The following EIF3H variants were observed in gnomAD, a reference collection of about 807,000 sequenced individuals.
EIF3H encodes eIF-3-gamma.
A neutral mutation model predicts 44.2 loss-of-function variants in EIF3H; 26 were observed. The observed-to-expected ratio is 0.59, with a 90% CI of 0.43 to 0.82. The LOEUF is 0.82. Among genes scored for constraint, EIF3H ranks in the 40% least tolerant of loss-of-function variants. EIF3H has a pLI of 0.00. For synonymous variants in EIF3H, 166 were observed against 151.9 expected (o/e 1.09, Z -0.68); for missense variants, 359 against 432.8 (o/e 0.83, Z 1.51).
At chr8:116,718,751 T>C (rs776274976) in intron 2 of EIF3H, among the ~76,000 whole-genome samples, 2 of 151,428 alleles carry the variant, frequency 1.3e-5, no homozygotes, top group Non-Finnish European at 1.5e-5. Flanking sequence ...TGGTTAAGGG[T>C]TGAAAGACTA....
chr8:116,760,802 A>C (rs1292944118), upstream of EIF3H, among the ~76,000 whole-genome samples: 2 of 152,222 alleles, frequency 1.3e-5, no homozygotes, highest in Non-Finnish European at 2.9e-5. Flanking sequence ...CTGCTGCTTA[A>C]AAATATATAC....
At chr8:116,687,951 T>A (rs1814104649) in intron 2 of EIF3H, among the ~76,000 whole-genome samples, 1 of 152,110 alleles carries the variant, frequency 6.6e-6, no homozygotes. Context: ...GTCCCGGCCT[T>A]CTAAATATTG....
At chr8:116,691,842 A>C (rs1239773666) in intron 2 of EIF3H, among the ~76,000 whole-genome samples, 1 of 148,128 alleles carries the variant, frequency 6.8e-6, no homozygotes, top group Non-Finnish European at 1.5e-5. Flanking sequence ...ACTGCACTGC[A>C]GCCTGGGTGA....
chr8:116,670,411 A>G (rs1447486098), intron 2 of EIF3H, among the ~76,000 whole-genome samples: 1 of 152,144 alleles, frequency 6.6e-6, no homozygotes, highest in Non-Finnish European at 1.5e-5. Flanking sequence ...CAAATGACAG[A>G]CCAAGGGTTC....
At chr8:116,718,919 C>T (rs898684662) in intron 2 of EIF3H, among the ~76,000 whole-genome samples, 1 of 151,376 alleles carries the variant, frequency 6.6e-6, no homozygotes, top group South Asian at 2.1e-4. Context: ...AAACCTGCTT[C>T]CCCCAAAAAA....
intron 2 of EIF3H, among the ~76,000 whole-genome samples, chr8:116,702,648 T>C (rs1299602379): frequency 1.3e-5 from 2 of 152,210 alleles, no homozygotes; most frequent in East Asian, 3.9e-4. Flanking sequence ...TCATCAGAAT[T>C]AATCTGAAGA....
intron 1 of EIF3H, among the ~76,000 whole-genome samples, chr8:116,746,039 T>C (rs900712879): frequency 6.6e-6 from 1 of 152,188 alleles, no homozygotes; most frequent in African/African-American, 2.4e-5. Flanking sequence ...ATATGCTGAT[T>C]TTCTTTACTA....
At chr8:116,755,265 G>A (rs1325763756) in intron 1 of EIF3H, among the ~76,000 whole-genome samples, 3 of 152,172 alleles carry the variant, frequency 2.0e-5, no homozygotes, top group Non-Finnish European at 1.5e-5. Context: ...CGTTATAGAT[G>A]TCAGATCCCA....
Position 116,736,658 on chromosome 8 carries a change from T to C in EIF3H, c.133-10486A>G, listed in dbSNP as rs550463063. Among the ~76,000 whole-genome samples, 41 of 151,594 alleles carry C rather than the reference T, an allele frequency of 2.7e-4. No individual in the cohort carries two copies. In the East Asian group the frequency reaches 7.9e-3, roughly 29 times the overall value. On this transcript the variant is annotated intron_variant, in intron 1 of 7. Coordinates refer to ENST00000521861, the MANE Select transcript of EIF3H (RefSeq NM_003756.3). The stretch of plus-strand genomic sequence containing the variant: ...GCCTGGGCGACAGAGCAAGACTCCG[T>C]CTCACAAAAAAAAAAGGTGGAATTT...
At chr8:116,707,317 A>C (rs1026723905) in intron 2 of EIF3H, among the ~76,000 whole-genome samples, 1 of 152,180 alleles carries the variant, frequency 6.6e-6, no homozygotes, top group African/African-American at 2.4e-5. Flanking sequence ...ATAATTTCTG[A>C]ATTGAAAAAC....
At chr8:116,747,255 G>T (rs1477082998) in intron 1 of EIF3H, among the ~76,000 whole-genome samples, 1 of 152,076 alleles carries the variant, frequency 6.6e-6, no homozygotes, top group African/African-American at 2.4e-5. Context: ...TAGTAGAGAT[G>T]GGGTTTCGCC....
chr8:116,687,992 T>C (rs1814105998), intron 2 of EIF3H, among the ~76,000 whole-genome samples: 1 of 152,098 alleles, frequency 6.6e-6, no homozygotes, highest in African/African-American at 2.4e-5. Context: ...CAATAAAGTG[T>C]TACTACCAAT....
At chr8:116,663,561 C>A (rs192137257) in intron 2 of EIF3H, among the ~76,000 whole-genome samples, 1 of 152,094 alleles carries the variant, frequency 6.6e-6, no homozygotes, top group African/African-American at 2.4e-5. Context: ...TAGAAAAGAA[C>A]CTTTTAGGCA....
chr8:116,757,231 T>C (rs953454567), upstream of EIF3H, among the ~76,000 whole-genome samples: 3 of 149,588 alleles, frequency 2.0e-5, no homozygotes, highest in Non-Finnish European at 4.5e-5. Context: ...AGACAGTTCA[T>C]GTGGGCCCTC....
At chr8:116,730,643 G>A (rs1000119913) in intron 1 of EIF3H, among the ~76,000 whole-genome samples, 5 of 152,014 alleles carry the variant, frequency 3.3e-5, no homozygotes, top group African/African-American at 9.7e-5. Flanking sequence ...TCATAGATTC[G>A]AAGTATCTTT....
At position 116,755,793 on chromosome 8, in the gene EIF3H, G is replaced by A. The variant is rs562030491; in HGVS notation, c.5C>T (p.Ala2Val). ...AGAGCCGGTACCTTCCTTGCGGGACGCCATCTTTCCAAGCAGACAGGAAGA... is the reference window on the plus strand; with the variant it reads ...AGAGCCGGTACCTTCCTTGCGGGACACCATCTTTCCAAGCAGACAGGAAGA... The part of the protein sequence containing the change: M[A>V]SRKEGTGSTA... Residue 2 changes from alanine (A) to valine (V), a missense_variant, in exon 1 of 8, where the codon GCG becomes GTG. This residue lies in a region of EIF3H where 59 missense variants were observed against 33.5 expected (regional missense o/e 1.76). Transcript: ENST00000521861. 13 of 1,613,358 alleles carry A rather than the reference G, an allele frequency of 8.1e-6. No individual in the cohort carries two copies. The South Asian group carries it at 1.1e-4, about 14-fold the overall frequency.
chr8:116,701,370 C>A (rs1814373284), intron 2 of EIF3H, among the ~76,000 whole-genome samples: 1 of 152,096 alleles, frequency 6.6e-6, no homozygotes, highest in Non-Finnish European at 1.5e-5. Flanking sequence ...GTGTGATAGT[C>A]CCCATAATAT....
chr8:116,736,379 T>C (rs1013344618), intron 1 of EIF3H, among the ~76,000 whole-genome samples: 18 of 152,216 alleles, frequency 1.2e-4, no homozygotes, highest in Admixed American at 6.5e-4. Flanking sequence ...ATGAGTGGAA[T>C]TGCCAGGCGC....
chr8:116,669,654 A>T (rs868653019), intron 2 of EIF3H, among the ~76,000 whole-genome samples: 8 of 152,234 alleles, frequency 5.3e-5, no homozygotes, highest in Non-Finnish European at 8.8e-5. Flanking sequence ...CATCAGGATG[A>T]TTTGGATTTT....
Sources: gnomAD v4.1 joint callset for allele counts (sites outside exome capture counted in the v4.1 genomes callset) on GRCh38, gnomAD v4.1.1 for gene constraint, gnomAD v4.1.1 regional missense constraint, MANE v1.5 for transcripts, NCBI Gene and HGNC (gene_info 2026-07-23, HGNC 2026-07-21) for gene names.